The following SLC26A11 variants were observed in gnomAD, a reference collection of about 807,000 sequenced individuals.
SLC26A11 encodes the protein solute carrier family 26 member 11.
A neutral mutation model predicts 62.2 loss-of-function variants in SLC26A11; 58 were observed. The ratio of observed to expected loss-of-function variants is 0.93; its 90% confidence interval spans 0.76 to 1.16. The LOEUF is 1.16. Ranked by LOEUF, SLC26A11 falls within the 50% of genes most tolerant of loss-of-function variation. The pLI, the probability that SLC26A11 is intolerant of heterozygous loss-of-function variation, is 0.00. For synonymous variants in SLC26A11, 411 were observed against 368.9 expected (o/e 1.11, Z -1.31); for missense variants, 790 against 794.3 (o/e 0.99, Z 0.06).
Position 80,223,443 on chromosome 17 carries a change from C to CAA in SLC26A11, c.513+106_513+107insAA, listed in dbSNP as rs1466174036. ...AGTCCTGATCCCTGTGGCCAGTGGA[C>CAA]GTCTTGCTGTTTCAGATTGTCTTCC... On this transcript the variant is annotated intron_variant, in intron 5 of 17. Transcript: ENST00000361193. This position sits in a 1 kb window ranked among gnomAD's most constrained non-coding sequence, Gnocchi z 4.6. 13 of 1,041,654 alleles carry CAA rather than the reference C, an allele frequency of 1.2e-5. No homozygotes were observed. The highest frequency in any genetic ancestry group is 1.7e-5 in the Non-Finnish European group (12 of 689,272). The allele number at this position is 1,041,654 out of a possible 1,614,324, so 64.5% of individuals were successfully genotyped here. A position where few individuals can be genotyped will look rare whatever the true frequency, so the allele number is the denominator to read the frequency against.
rs1289085512 is a variant in SLC26A11 at position 80,222,879 on chromosome 17, C to T, written c.427+32C>T. 1 of 1,607,016 alleles carries T rather than the reference C, an allele frequency of 6.2e-7. No homozygotes were observed. The highest frequency in any genetic ancestry group is 1.1e-5 in the South Asian group (1 of 90,856). ...CTCTACCTTCTTGCCAAGGGGATGCCCTCGACCTCAGCATTTGCTTGTTTG... is the reference window on the plus strand; with the variant it reads ...CTCTACCTTCTTGCCAAGGGGATGCTCTCGACCTCAGCATTTGCTTGTTTG... On this transcript the variant is annotated intron_variant, in intron 4 of 17. Coordinates refer to ENST00000361193, the MANE Select transcript of SLC26A11 (RefSeq NM_001166347.2). The surrounding 1 kb of genome is among the most constrained non-coding windows in gnomAD (Gnocchi z 4.7).
At chr17:80,235,282 T>G (rs970734565) in intron 7 of SLC26A11, among the ~76,000 whole-genome samples, 1 of 152,210 alleles carries the variant, frequency 6.6e-6, no homozygotes, top group African/African-American at 2.4e-5. Context: ...AAATTACATT[T>G]GGTTACAGTT....
rs1186384730 is a variant in SLC26A11 at position 80,221,577 on chromosome 17, C to A, written c.17C>A (p.Thr6Lys). The A allele has an allele frequency of 6.3e-7, 1 of 1,597,030 alleles. No individual in the cohort carries two copies. The highest frequency in any genetic ancestry group is 1.7e-5 in the Admixed American group (1 of 59,314). Residue 6 changes from threonine (T) to lysine (K), a missense_variant, in exon 3 of 18, where the codon ACG becomes AAG. By Grantham distance (78) the Thr-to-Lys change is moderately conservative. Coordinates refer to ENST00000361193, the MANE Select transcript of SLC26A11 (RefSeq NM_001166347.2). Reference protein sequence around the residue: MPSSVTALGQARSSGP... With the variant: MPSSVKALGQARSSGP... Reference sequence around the variant, plus strand: ...ACCGTAGAGATGCCTTCTTCGGTGACGGCGCTGGGTCAGGCCAGGTCCTCT... The same window carrying A: ...ACCGTAGAGATGCCTTCTTCGGTGAAGGCGCTGGGTCAGGCCAGGTCCTCT...
At chr17:80,241,875 A>G in intron 10 of SLC26A11, 54 bp downstream of exon 10, 1 of 1,589,242 alleles carries the variant, frequency 6.3e-7, no homozygotes. Flanking sequence ...CCAGGGTCCC[A>G]GGCCTGCCCC....
chr17:80,243,806 T>A (rs1044489603), intron 10 of SLC26A11, among the ~76,000 whole-genome samples: 1 of 152,200 alleles, frequency 6.6e-6, no homozygotes, highest in African/African-American at 2.4e-5. Context: ...AGCCATGGGA[T>A]TCCTTGATCT....
At chr17:80,226,921 G>C (rs184353464) in intron 6 of SLC26A11, among the ~76,000 whole-genome samples, 1 of 152,118 alleles carries the variant, frequency 6.6e-6, no homozygotes, top group Admixed American at 6.5e-5. Flanking sequence ...ATCTGCTGCC[G>C]AAGCTTCCCA....
Position 80,248,570 on chromosome 17 carries a change from C to A in SLC26A11, c.1423-5C>A, listed in dbSNP as rs1454180196. ...CCCGCCTCCAGGACTCACTCCTCCC[C>A]ACAGGTGTCAGAGGGGCCGGTTCTG... On this transcript the variant is annotated splice_polypyrimidine_tract_variant and splice_region_variant and intron_variant, in intron 14 of 17. Transcript: ENST00000361193. 14 of 1,573,836 alleles carry A rather than the reference C, an allele frequency of 8.9e-6. 1 individual carries two copies. The Admixed American group carries it at 2.0e-4, about 23-fold the overall frequency.
intron 9 of SLC26A11, among the ~76,000 whole-genome samples, chr17:80,241,029 C>G (rs1189276314): frequency 6.6e-6 from 1 of 151,936 alleles, no homozygotes; most frequent in South Asian, 2.1e-4. Flanking sequence ...CACTTGAGCC[C>G]AGGAGGTCAA....
chr17:80,245,484 G>A (rs1246543419), intron 11 of SLC26A11: 4 of 542,884 alleles, frequency 7.4e-6, no homozygotes, highest in African/African-American at 5.7e-5. Flanking sequence ...GGGCATTGTG[G>A]TACACCCTTG....
chr17:80,239,424 C>G (rs550039719), intron 9 of SLC26A11, among the ~76,000 whole-genome samples: 3 of 149,014 alleles, frequency 2.0e-5, no homozygotes, highest in Non-Finnish European at 4.4e-5. Context: ...GAGTCTCGCT[C>G]TGTCGCCCAG....
intron 5 of SLC26A11, among the ~76,000 whole-genome samples, chr17:80,224,515 C>T (rs550249132): frequency 3.5e-4 from 54 of 152,118 alleles, no homozygotes; most frequent in African/African-American, 1.2e-3. Flanking sequence ...TTGCTACGTG[C>T]GAGGCACTGG....
Position 80,252,997 on chromosome 17 carries a change from C to A in SLC26A11, c.*281C>A. ...GGAGAGAGCCTTCTAGAATGACAGA[C>A]TGTGCGAGGAAGCAGGGGCAGGGGT... On this transcript the variant is annotated 3_prime_UTR_variant, in exon 18 of 18. Transcript: ENST00000361193. The surrounding 1 kb of genome is among the most constrained non-coding windows in gnomAD (Gnocchi z 5.2). 1 of 274,400 alleles carries A rather than the reference C, an allele frequency of 3.6e-6. No individual in the cohort carries two copies. The highest frequency in any genetic ancestry group is 7.0e-6 in the Non-Finnish European group (1 of 142,302). 17.0% of individuals were successfully genotyped at this position (274,400 alleles called of 1,614,324 possible).
intron 10 of SLC26A11, among the ~76,000 whole-genome samples, chr17:80,243,257 G>T: frequency 6.6e-6 from 1 of 152,202 alleles, no homozygotes; most frequent in East Asian, 1.9e-4. Context: ...GCGGGGCATT[G>T]TCCAGTTGAG....
chr17:80,249,676 C>T (rs1266693713), intron 16 of SLC26A11, among the ~76,000 whole-genome samples: 2 of 152,090 alleles, frequency 1.3e-5, no homozygotes, highest in Non-Finnish European at 2.9e-5. Flanking sequence ...GAGGCCAAGG[C>T]GGGCAGATCA....
At chr17:80,239,535 G>A (rs944688609) in intron 9 of SLC26A11, among the ~76,000 whole-genome samples, 6 of 151,808 alleles carry the variant, frequency 4.0e-5, no homozygotes, top group Non-Finnish European at 7.4e-5. Context: ...GACTACAGGC[G>A]TCCGCCACCA....
At chr17:80,249,092 C>G in intron 15 of SLC26A11, 62 bp from the exon 16 acceptor site, 1 of 1,563,596 alleles carries the variant, frequency 6.4e-7, no homozygotes, top group South Asian at 1.2e-5. Context: ...CTCCTTTGGC[C>G]TCTGCAGAGC....
At chr17:80,224,398 AGTGT>A (rs539343227) in intron 5 of SLC26A11, among the ~76,000 whole-genome samples, 2 of 135,946 alleles carry the variant, frequency 1.5e-5, no homozygotes, top group Admixed American at 7.4e-5. Flanking sequence ...TGAGTGTATG[AGTGT>A]GAGAGTGAGT....
Position 80,221,809 on chromosome 17 carries a change from C to T in SLC26A11, c.234+15C>T, listed in dbSNP as rs770297668. On this transcript the variant is annotated intron_variant, in intron 3 of 17. Coordinates refer to ENST00000361193, the MANE Select transcript of SLC26A11 (RefSeq NM_001166347.2). The stretch of plus-strand genomic sequence containing the variant: ...TCCCGCCCCAGGTGAGGCGTCTGAC[C>T]CTGCTGCCAGCCATATCTCAGAAAC... 7 of 1,601,206 alleles carry T rather than the reference C, an allele frequency of 4.4e-6. No homozygotes were observed. Among genetic ancestry groups the T allele is most frequent in the Non-Finnish European group, 5.1e-6 (6 of 1,175,940 alleles).
At chr17:80,226,905 C>G (rs1465351225) in intron 6 of SLC26A11, among the ~76,000 whole-genome samples, 2 of 152,182 alleles carry the variant, frequency 1.3e-5, no homozygotes, top group Admixed American at 1.3e-4. Flanking sequence ...CTTCCCCTCC[C>G]CTCTGATCTG....
Sources: allele counts gnomAD v4.1 joint callset (sites outside exome capture counted in the v4.1 genomes callset), GRCh38; gene constraint gnomAD v4.1.1; non-coding constraint Gnocchi (gnomAD v3.1); transcripts MANE v1.5; gene names NCBI Gene and HGNC (gene_info 2026-07-23, HGNC 2026-07-21).